ASTN2: variants seen among roughly 807,000 people sequenced by gnomAD.
The protein encoded by ASTN2 is astrotactin 2.
In ASTN2, 54 loss-of-function variants were observed where a neutral mutation model predicts 139.8. The ratio of observed to expected loss-of-function variants is 0.39; its 90% confidence interval spans 0.31 to 0.48. ASTN2 has a LOEUF of 0.48. Among genes scored for constraint, ASTN2 ranks in the 20% least tolerant of loss-of-function variants. The pLI, the probability that ASTN2 is intolerant of heterozygous loss-of-function variation, is 0.95. For synonymous variants in ASTN2, 756 were observed against 719.5 expected, an observed-to-expected ratio of 1.05 and a Z score of -0.81; for missense variants, 1,565 against 1,725.1, an observed-to-expected ratio of 0.91 and a Z score of 1.64.
At chr9:116,854,806 C>A (rs1298280759) in intron 11 of ASTN2, among the ~76,000 whole-genome samples, 1 of 151,964 alleles carries the variant, frequency 6.6e-6, no homozygotes, top group African/African-American at 2.4e-5. Flanking sequence ...AGCCTGCCAC[C>A]ACGCTCTGCT....
intron 3 of ASTN2, among the ~76,000 whole-genome samples, chr9:117,154,661 C>T (rs540806208): frequency 4.1e-4 from 62 of 152,064 alleles, no homozygotes; most frequent in Non-Finnish European, 7.8e-4. Context: ...AAACAGTATA[C>T]ATACAAAAGG....
chr9:116,890,881 T>C (rs1833746911), intron 10 of ASTN2, among the ~76,000 whole-genome samples: 2 of 152,284 alleles, frequency 1.3e-5, no homozygotes, highest in African/African-American at 4.8e-5. Context: ...GTATCATTGA[T>C]CTTATTGGTG....
chr9:116,933,296 A>T (rs987239482), intron 10 of ASTN2, among the ~76,000 whole-genome samples: 1 of 152,104 alleles, frequency 6.6e-6, no homozygotes, highest in Non-Finnish European at 1.5e-5. Context: ...CCTCCCAGTC[A>T]ATGCTGTAAA....
At chr9:116,447,741 C>G (rs536139469) in intron 20 of ASTN2, among the ~76,000 whole-genome samples, 1 of 152,176 alleles carries the variant, frequency 6.6e-6, no homozygotes, top group African/African-American at 2.4e-5. Flanking sequence ...GTGCTCAGCA[C>G]AATGCCCGAC....
chr9:117,106,443 C>T (rs1022723515), intron 4 of ASTN2, among the ~76,000 whole-genome samples: 12 of 152,008 alleles, frequency 7.9e-5, no homozygotes, highest in African/African-American at 2.7e-4. Context: ...GTGATATCCA[C>T]CCCCCTCAGC....
intron 10 of ASTN2, among the ~76,000 whole-genome samples, chr9:116,913,894 G>A (rs988103048): frequency 6.6e-6 from 1 of 151,542 alleles, no homozygotes; most frequent in East Asian, 1.9e-4. Flanking sequence ...GACTTTGGAA[G>A]AATCAGAAAA....
Position 117,141,359 on chromosome 9 carries a change from C to A in ASTN2, c.1135G>T (p.Ala379Ser), listed in dbSNP as rs549286321. ...TTGCTCCTCCGCTTCCTCTTCCCTG[C>A]CGATGTGCTGCGCAGGGGTGGTTGC... ...QLQPPLRSTSAGKRKRRSKSR... is the reference protein window; with the variant it reads ...QLQPPLRSTSSGKRKRRSKSR... The change falls in exon 4 of 23, where the codon GCA becomes TCA. Residue 379 changes from alanine to serine, a missense_variant. By Grantham distance (99) the Ala-to-Ser change is moderately conservative. This residue lies in a region of ASTN2 where 596 missense variants were observed against 576.8 expected (regional missense o/e 1.03). Coordinates refer to ENST00000313400, the MANE Select transcript of ASTN2 (RefSeq NM_001365068.1). 13 of 1,367,490 alleles carry A rather than the reference C, an allele frequency of 9.5e-6. No individual in the cohort carries two copies. The highest frequency in any genetic ancestry group is 2.9e-5 in the African/African-American group (2 of 67,842). The allele number at this position is 1,367,490 out of a possible 1,614,324, so 84.7% of individuals were successfully genotyped here.
At chr9:116,494,677 T>C (rs867198156) in intron 19 of ASTN2, among the ~76,000 whole-genome samples, 2 of 152,234 alleles carry the variant, frequency 1.3e-5, no homozygotes, top group African/African-American at 4.8e-5. Context: ...AAACAATCCA[T>C]CTTGCTTAAA....
intron 6 of ASTN2, among the ~76,000 whole-genome samples, chr9:117,028,067 A>G (rs2010074766): frequency 6.6e-6 from 1 of 152,186 alleles, no homozygotes; most frequent in African/African-American, 2.4e-5. Context: ...ACCCACCTTT[A>G]ATGCTGACTG....
intron 19 of ASTN2, among the ~76,000 whole-genome samples, chr9:116,549,060 T>C (rs1293378842): frequency 6.6e-6 from 1 of 151,986 alleles, no homozygotes; most frequent in Non-Finnish European, 1.5e-5. Flanking sequence ...AGTTGTCTCA[T>C]TGGACAGATG....
intron 5 of ASTN2, among the ~76,000 whole-genome samples, chr9:117,078,115 A>T (rs554180376): frequency 1.3e-5 from 2 of 152,290 alleles, no homozygotes; most frequent in South Asian, 2.1e-4. Context: ...ATATAGAAAT[A>T]ATATTGTTTC....
intron 3 of ASTN2, among the ~76,000 whole-genome samples, chr9:117,207,465 A>AG (rs1435875463): frequency 1.3e-5 from 2 of 152,232 alleles, no homozygotes; most frequent in Admixed American, 1.3e-4. Context: ...AGGCCAGCCA[A>AG]GCAGCCATAC....
At position 117,225,453 on chromosome 9, in the gene ASTN2, G is replaced by A. The variant is rs530647777; in HGVS notation, c.631-10711C>T. Reference sequence around the variant, plus strand: ...AGATGGGCCAGGCACGGTGGCTCACGCCTGTAATCCCAGCACTTTGGGAGG... The same window carrying A: ...AGATGGGCCAGGCACGGTGGCTCACACCTGTAATCCCAGCACTTTGGGAGG... On this transcript the variant is annotated intron_variant, in intron 2 of 22. Transcript: ENST00000313400. 3.9e-3 allele frequency among the ~76,000 whole-genome samples: 585 copies of A among 149,278 alleles called. 19 individuals carry two copies. Among genetic ancestry groups the A allele is most frequent in the Non-Finnish European group, 3.1e-3 (212 of 67,432 alleles).
intron 10 of ASTN2, among the ~76,000 whole-genome samples, chr9:116,974,176 C>T (rs1258182059): frequency 2.0e-5 from 3 of 152,172 alleles, no homozygotes; most frequent in Admixed American, 6.5e-5. Flanking sequence ...TTCTAGAATG[C>T]TTCCCCTAAT....
intron 10 of ASTN2, among the ~76,000 whole-genome samples, chr9:116,883,686 A>T (rs1833515081): frequency 6.6e-6 from 1 of 152,166 alleles, no homozygotes; most frequent in Non-Finnish European, 1.5e-5. Context: ...AATTGTTCAT[A>T]AACTATCCAC....
rs1013284003 is a variant in ASTN2 at position 117,372,198 on chromosome 9, G to C, written c.442+42299C>G. On this transcript the variant is annotated intron_variant, in intron 1 of 22. Coordinates refer to ENST00000313400, the MANE Select transcript of ASTN2 (RefSeq NM_001365068.1). Reference sequence around the variant, plus strand: ...TCCAGTCAATGCAATGACTCAAAGGGTGATTATGTCCTTGGCACATTAGCC... The same window carrying C: ...TCCAGTCAATGCAATGACTCAAAGGCTGATTATGTCCTTGGCACATTAGCC... Among the ~76,000 whole-genome samples, 6 of 152,230 alleles carry C rather than the reference G, an allele frequency of 3.9e-5. No homozygotes were observed. The East Asian group carries it at 1.2e-3, about 29-fold the overall frequency.
In ASTN2 at chr9:116,813,217, T is replaced by G. The variant is rs117258223; in HGVS notation, c.2208-7397A>C. Reference sequence around the variant, plus strand: ...AGTGCAGAGATACATACCGGGCATTTTAGCTGAAGGCAATGGATGTGTTAC... The same window carrying G: ...AGTGCAGAGATACATACCGGGCATTGTAGCTGAAGGCAATGGATGTGTTAC... On this transcript the variant is annotated intron_variant, in intron 12 of 22. Transcript: ENST00000313400. Among the ~76,000 whole-genome samples, 1,119 of 152,292 alleles carry G rather than the reference T, an allele frequency of 7.3e-3. 4 individuals are homozygous for G. The highest frequency in any genetic ancestry group is 0.011 in the Non-Finnish European group (780 of 68,026).
chr9:116,658,231 G>A (rs1858343343), intron 16 of ASTN2, among the ~76,000 whole-genome samples: 1 of 152,088 alleles, frequency 6.6e-6, no homozygotes, highest in Non-Finnish European at 1.5e-5. Flanking sequence ...AGTGCCACTT[G>A]GAGAACTTGG....
intron 13 of ASTN2, among the ~76,000 whole-genome samples, chr9:116,759,814 C>T (rs1298070598): frequency 3.3e-5 from 5 of 152,108 alleles, no homozygotes; most frequent in Admixed American, 2.0e-4. Flanking sequence ...AGGGCAAGGA[C>T]CTTAATCTCT....
Sources: allele counts gnomAD v4.1 joint callset (sites outside exome capture counted in the v4.1 genomes callset), GRCh38; gene constraint gnomAD v4.1.1; regional missense constraint gnomAD v4.1.1; transcripts MANE v1.5; gene names NCBI Gene and HGNC (gene_info 2026-07-23, HGNC 2026-07-21).